The following MYH15 variants were observed in gnomAD, a reference collection of about 807,000 sequenced individuals.
MYH15 encodes myosin-15.
A neutral mutation model predicts 240.5 loss-of-function variants in MYH15; 227 were observed. The observed-to-expected ratio is 0.94, with a 90% CI of 0.85 to 1.05. The LOEUF (loss-of-function observed/expected upper bound fraction) is 1.05, where lower values mean the gene tolerates loss of function less well. Ranked by LOEUF, MYH15 falls within the 50% of genes least tolerant of loss-of-function variation. The pLI is 0.00. For missense variants in MYH15, 2,217 were observed against 2,247.5 expected, an observed-to-expected ratio of 0.99 and a Z score of 0.27; for synonymous variants, 785 against 796.7, an observed-to-expected ratio of 0.99 and a Z score of 0.25.
At chr3:108,503,153 GA>G (rs11307520) in intron 2 of MYH15, among the ~76,000 whole-genome samples, 31,771 of 151,990 alleles carry the variant, frequency 0.21, 4,251 homozygotes, top group Non-Finnish European at 0.3. Context: ...ATCAAAGAAG[GA>G]CAAGCAGGAC....
intron 40 of MYH15, among the ~76,000 whole-genome samples, chr3:108,382,177 T>G (rs2082348823): frequency 6.6e-6 from 1 of 152,176 alleles, no homozygotes; most frequent in Admixed American, 6.5e-5. Flanking sequence ...GGGTTGCTGG[T>G]GGGCTCTGCA....
chr3:108,444,074 C>G (rs2082907271), intron 22 of MYH15, among the ~76,000 whole-genome samples: 1 of 149,602 alleles, frequency 6.7e-6, no homozygotes, highest in Non-Finnish European at 1.5e-5. Flanking sequence ...GTGCAGCACA[C>G]CAGCATGGCA....
At chr3:108,436,472 C>G (rs1199495864) in intron 25 of MYH15, among the ~76,000 whole-genome samples, 1 of 152,186 alleles carries the variant, frequency 6.6e-6, no homozygotes, top group Non-Finnish European at 1.5e-5. Context: ...AAGCCAGATG[C>G]TCACAGCTGG....
At chr3:108,453,467 C>A (rs2082991673) in intron 21 of MYH15, among the ~76,000 whole-genome samples, 1 of 152,208 alleles carries the variant, frequency 6.6e-6, no homozygotes, top group South Asian at 2.1e-4. Context: ...GCTTGCTTTT[C>A]ATGATTCTAT....
In MYH15 at chr3:108,486,527, C is replaced by A; in HGVS notation, c.872-1G>T. On this transcript the variant is annotated splice_acceptor_variant, in intron 9 of 40. Transcript: ENST00000693548. LOFTEE classifies it high-confidence loss of function. Reference sequence around the variant, plus strand: ...GGATTTGCAGATACCAGGAGCAGGTCTAGAGTGGGAAAACGATTCGTTAAA... The same window carrying A: ...GGATTTGCAGATACCAGGAGCAGGTATAGAGTGGGAAAACGATTCGTTAAA... The A allele has an allele frequency of 6.3e-7, 1 of 1,599,150 alleles. No homozygotes were observed. The highest frequency in any genetic ancestry group is 1.1e-5 in the South Asian group (1 of 89,462).
Position 108,510,478 on chromosome 3 carries a change from G to A in MYH15, c.53C>T (p.Ala18Val), listed in dbSNP as rs1369477159. 2 of 1,613,320 alleles carry A rather than the reference G, an allele frequency of 1.2e-6. No homozygotes were observed. Among genetic ancestry groups the A allele is most frequent in the African/African-American group, 2.7e-5 (2 of 74,828 alleles). ...TGTGGCCTGTAGTAGAAGCAGCTCA[G>A]CTTCACTTCTTCTGAGGAAGGCTGC... is the stretch of plus-strand genomic sequence containing the variant. ...EAAAFLRRSE[A>V]ELLLLQATAL... The change falls in exon 1 of 41, where the codon GCT (alanine) becomes GTT (valine). Residue 18 changes from alanine to valine, a missense_variant. Transcript: ENST00000693548.
At chr3:108,508,204 G>A (rs1013233411) in intron 1 of MYH15, among the ~76,000 whole-genome samples, 1 of 152,110 alleles carries the variant, frequency 6.6e-6, no homozygotes, top group African/African-American at 2.4e-5. Context: ...CCAGGAGTAG[G>A]CTCACCACCT....
chr3:108,547,920 A>C, the MYH15 span, among the ~76,000 whole-genome samples: 1 of 152,196 alleles, frequency 6.6e-6, no homozygotes. Flanking sequence ...AAGGAAAAAC[A>C]GGAGTGTTAC....
chr3:108,466,780 A>G (rs1211842723), intron 14 of MYH15, among the ~76,000 whole-genome samples: 3 of 152,192 alleles, frequency 2.0e-5, no homozygotes, highest in Non-Finnish European at 4.4e-5. Context: ...ATGGCCCCGC[A>G]TGGTTCAAGG....
At chr3:108,469,913 A>G in intron 14 of MYH15, 129 bp downstream of exon 14, 1 of 856,080 alleles carries the variant, frequency 1.2e-6, no homozygotes, top group South Asian at 2.1e-5. Context: ...CCATTAAGAT[A>G]AAATGTGCAG....
chr3:108,484,360 C>T (rs923068806), intron 11 of MYH15, among the ~76,000 whole-genome samples: 1 of 152,182 alleles, frequency 6.6e-6, no homozygotes, highest in Non-Finnish European at 1.5e-5. Flanking sequence ...AATAAAGCCT[C>T]CTGGTCTCAC....
At chr3:108,447,591 A>T (rs2082939281) in intron 21 of MYH15, among the ~76,000 whole-genome samples, 1 of 151,982 alleles carries the variant, frequency 6.6e-6, no homozygotes, top group Non-Finnish European at 1.5e-5. Context: ...AAAAAAAAAA[A>T]ACTAAAAACC....
chr3:108,392,083 C>G (rs2082426802), intron 36 of MYH15, among the ~76,000 whole-genome samples, 153 bp from the exon 37 acceptor site: 1 of 152,158 alleles, frequency 6.6e-6, no homozygotes, highest in African/African-American at 2.4e-5. Flanking sequence ...ACCACTACCA[C>G]CCTCGAGTTT....
intron 27 of MYH15, 26 bp downstream of exon 27, chr3:108,428,466 C>T: frequency 6.3e-7 from 1 of 1,576,558 alleles, no homozygotes; most frequent in South Asian, 1.2e-5. Flanking sequence ...TTCAGAAGAC[C>T]ACGAGGATGG....
At chr3:108,459,157 G>A (rs561405754) in intron 18 of MYH15, among the ~76,000 whole-genome samples, 34 of 152,182 alleles carry the variant, frequency 2.2e-4, no homozygotes, top group Middle Eastern at 6.8e-3. Context: ...AATTGAGACC[G>A]CTTTGTGAAA....
At chr3:108,527,109 A>G (rs1445993236) in intron 1 of MYH15, among the ~76,000 whole-genome samples, 3 of 152,120 alleles carry the variant, frequency 2.0e-5, no homozygotes, top group Non-Finnish European at 4.4e-5. Context: ...AGAGTTTCTG[A>G]TTCAGTAGAT....
intron 37 of MYH15, among the ~76,000 whole-genome samples, chr3:108,389,800 T>A (rs1368225935): frequency 6.6e-6 from 1 of 152,174 alleles, no homozygotes; most frequent in Non-Finnish European, 1.5e-5. Context: ...TCCCCCTGCC[T>A]AGGGGGCTCT....
intron 22 of MYH15, among the ~76,000 whole-genome samples, chr3:108,441,610 G>A (rs2082885881): frequency 6.6e-6 from 1 of 152,180 alleles, no homozygotes; most frequent in Non-Finnish European, 1.5e-5. Flanking sequence ...ATCCATGTAG[G>A]CACAGAGTTT....
At chr3:108,437,798 C>G in intron 24 of MYH15, 99 bp from the exon 25 acceptor site, 1 of 608,594 alleles carries the variant, frequency 1.6e-6, no homozygotes, top group Non-Finnish European at 2.6e-6. Flanking sequence ...AAGAAAGACA[C>G]AAGCACAAAT....
Sources: gnomAD v4.1 joint callset for allele counts (sites outside exome capture counted in the v4.1 genomes callset) on GRCh38, gnomAD v4.1.1 for gene constraint, MANE v1.5 for transcripts, NCBI Gene and HGNC (gene_info 2026-07-23, HGNC 2026-07-21) for gene names.